TNFAIP8L3: variants seen among roughly 807,000 people sequenced by gnomAD.
TNFAIP8L3 encodes the protein tumor necrosis factor alpha-induced protein 8-like protein 3.
TNFAIP8L3 carries 7 observed loss-of-function variants against 11.8 expected under a neutral mutation model. The observed-to-expected ratio is 0.59, with a 90% CI of 0.34 to 1.11. The LOEUF (loss-of-function observed/expected upper bound fraction) is 1.11, where lower values mean the gene tolerates loss of function less well. Ranked by LOEUF, TNFAIP8L3 falls within the 50% of genes most tolerant of loss-of-function variation. TNFAIP8L3 has a pLI of 0.03. For synonymous variants in TNFAIP8L3, 98 were observed against 103.8 expected (o/e 0.94, Z 0.34); for missense variants, 219 against 258.6 (o/e 0.85, Z 1.05).
intron 1 of TNFAIP8L3, among the ~76,000 whole-genome samples, chr15:51,104,195 C>T (rs2065572782): frequency 2.0e-5 from 3 of 152,318 alleles, no homozygotes; most frequent in African/African-American, 7.2e-5. Flanking sequence ...GCTATTTCTA[C>T]CATGAGTCTC....
intron 1 of TNFAIP8L3, chr15:51,064,463 T>C (rs1217765018): frequency 6.6e-6 from 1 of 151,204 alleles, no homozygotes; most frequent in East Asian, 1.9e-4. Flanking sequence ...ACTGGACATA[T>C]ACATATACAT....
At chr15:51,088,951 G>A (rs914303308) in intron 1 of TNFAIP8L3, among the ~76,000 whole-genome samples, 2 of 151,926 alleles carry the variant, frequency 1.3e-5, no homozygotes, top group Non-Finnish European at 2.9e-5. Flanking sequence ...TTTTGGGGGT[G>A]TAAAGGTATA....
chr15:51,082,044 ATTTTTT>A (rs370927669), intron 1 of TNFAIP8L3, among the ~76,000 whole-genome samples: 2 of 143,892 alleles, frequency 1.4e-5, no homozygotes, highest in African/African-American at 5.1e-5. Flanking sequence ...GAAAGAGTGA[ATTTTTT>A]TTTTTTTTTT....
chr15:51,090,165 C>T (rs57570932), intron 1 of TNFAIP8L3, among the ~76,000 whole-genome samples: 21,672 of 152,244 alleles, frequency 0.14, 1,714 homozygotes, highest in Middle Eastern at 0.2. Flanking sequence ...CTGCATTTCC[C>T]TGCCTCCAGA....
chr15:51,078,575 CCT>C (rs1322655068), intron 1 of TNFAIP8L3, among the ~76,000 whole-genome samples: 1 of 152,028 alleles, frequency 6.6e-6, no homozygotes, highest in Non-Finnish European at 1.5e-5. Flanking sequence ...AGATGCCACC[CCT>C]GTCCCATGGA....
Position 51,094,010 on chromosome 15 carries a change from G to C in TNFAIP8L3, c.52+534C>G, listed in dbSNP as rs1418799153. On this transcript the variant is annotated intron_variant, in intron 1 of 1. Transcript: ENST00000637513. The surrounding 1 kb of genome is among the most constrained non-coding windows in gnomAD (Gnocchi z 4.4). Reference sequence around the variant, plus strand: ...CCTTCTCCGCCGGCTGCGCGGCAGCGATGGACCCTGTGCATGGGCTCTCCT... The same window carrying C: ...CCTTCTCCGCCGGCTGCGCGGCAGCCATGGACCCTGTGCATGGGCTCTCCT... Among the ~76,000 whole-genome samples the C allele has an allele frequency of 1.3e-5, 2 of 152,120 alleles. No homozygotes were observed. The highest frequency in any genetic ancestry group is 2.9e-5 in the Non-Finnish European group (2 of 68,012).
intron 1 of TNFAIP8L3, among the ~76,000 whole-genome samples, chr15:51,103,755 A>C (rs2065569976): frequency 6.6e-6 from 1 of 152,190 alleles, no homozygotes; most frequent in Non-Finnish European, 1.5e-5. Context: ...TCGAAAACCC[A>C]GGAACTCGGT....
chr15:51,099,094 G>A (rs1211172248), upstream of TNFAIP8L3, among the ~76,000 whole-genome samples: 2 of 152,184 alleles, frequency 1.3e-5, no homozygotes, highest in Admixed American at 6.5e-5. Context: ...AGACTTTAAG[G>A]TTATCAAGAA....
At chr15:51,065,375 T>A (rs76000834) in intron 1 of TNFAIP8L3, among the ~76,000 whole-genome samples, 1,663 of 152,328 alleles carry the variant, frequency 0.011, 28 homozygotes, top group African/African-American at 0.039. Context: ...TCTGAGCTGC[T>A]GCTTTTATAA....
rs186164120 is a variant in TNFAIP8L3 at position 51,104,049 on chromosome 15, C to G, written c.172+956G>C. Among the ~76,000 whole-genome samples, 3 of 152,288 alleles carry G rather than the reference C, an allele frequency of 2.0e-5. No individual in the cohort carries two copies. In the East Asian group the frequency reaches 5.8e-4, roughly 29 times the overall value. On this transcript the variant is annotated intron_variant, in intron 1 of 2. Coordinates refer to the TNFAIP8L3 transcript ENST00000327536. The stretch of plus-strand genomic sequence containing the variant: ...CCATTCTCACCTCAATCACGTCTTT[C>G]CAACAATCACATCTCCATTGTACTG...
At chr15:51,087,276 T>C (rs1435770555) in intron 1 of TNFAIP8L3, among the ~76,000 whole-genome samples, 2 of 152,202 alleles carry the variant, frequency 1.3e-5, no homozygotes, top group African/African-American at 2.4e-5. Flanking sequence ...CATGACTCAA[T>C]TGTGGCAGGA....
Position 51,082,797 on chromosome 15 carries a change from C to T in TNFAIP8L3, c.52+11747G>A, listed in dbSNP as rs28757870. 9.5e-3 allele frequency among the ~76,000 whole-genome samples: 1,451 copies of T among 152,064 alleles called. 38 individuals are homozygous for T. The highest frequency in any genetic ancestry group is 0.034 in the African/African-American group (1,398 of 41,462). On this transcript the variant is annotated intron_variant, in intron 1 of 1. Transcript: ENST00000637513. ...AGAAAAACACATACATTAGTCTCTG[C>T]CGACAAAGGGTCAAGATCGTCAAAA... is the stretch of plus-strand genomic sequence containing the variant.
intron 1 of TNFAIP8L3, among the ~76,000 whole-genome samples, chr15:51,083,542 G>A (rs539997890): frequency 9.2e-5 from 14 of 152,370 alleles, no homozygotes; most frequent in Admixed American, 9.1e-4. Context: ...GCCAGCCAGC[G>A]AGCAGCAGCG....
At chr15:51,085,737 C>T (rs2065422881) in intron 1 of TNFAIP8L3, among the ~76,000 whole-genome samples, 1 of 151,894 alleles carries the variant, frequency 6.6e-6, no homozygotes, top group Admixed American at 6.6e-5. Context: ...TTTTAGCATC[C>T]CAGGTCAACA....
chr15:51,090,701 G>T (rs559204897), intron 1 of TNFAIP8L3, among the ~76,000 whole-genome samples: 77 of 152,268 alleles, frequency 5.1e-4, no homozygotes, highest in African/African-American at 1.8e-3. Context: ...ATGTAGGGGA[G>T]GAGAGGGAGA....
chr15:51,092,899 C>G (rs2065482361), intron 1 of TNFAIP8L3, among the ~76,000 whole-genome samples: 1 of 152,174 alleles, frequency 6.6e-6, no homozygotes, highest in Admixed American at 6.5e-5. Context: ...TCCCGCTTCT[C>G]CCTCAACCCC....
intron 1 of TNFAIP8L3, among the ~76,000 whole-genome samples, chr15:51,071,096 C>T (rs1242408216): frequency 6.9e-6 from 1 of 145,912 alleles, no homozygotes; most frequent in Non-Finnish European, 1.5e-5. Flanking sequence ...TAAAAACCAC[C>T]AAGTGTTTCA....
intron 1 of TNFAIP8L3, among the ~76,000 whole-genome samples, chr15:51,085,109 T>A (rs951585167): frequency 5.3e-5 from 8 of 152,282 alleles, no homozygotes; most frequent in Admixed American, 1.3e-4. Flanking sequence ...CCTGCGTTGT[T>A]TGACTCAGCG....
intron 1 of TNFAIP8L3, among the ~76,000 whole-genome samples, chr15:51,101,341 G>A (rs1294482115): frequency 6.6e-6 from 1 of 152,172 alleles, no homozygotes; most frequent in Non-Finnish European, 1.5e-5. Context: ...GTAAAATAGT[G>A]CGGGGCGTGG....
Sources: gnomAD v4.1 joint callset for allele counts (sites outside exome capture counted in the v4.1 genomes callset) on GRCh38, gnomAD v4.1.1 for gene constraint, Gnocchi (gnomAD v3.1) non-coding constraint, MANE v1.5 for transcripts, NCBI Gene and HGNC (gene_info 2026-07-23, HGNC 2026-07-21) for gene names.